Variants in PSEN1 observed in about 807,000 individuals in gnomAD.
PSEN1 encodes the protein presenilin 1.
Under a neutral mutation model 53.5 loss-of-function variants are expected in PSEN1, and 15 were observed. The observed-to-expected ratio is 0.28, with a 90% confidence interval of 0.19 to 0.43. PSEN1 has a LOEUF of 0.43. PSEN1 is among the 20% of genes least tolerant of loss of function. PSEN1 has a pLI of 1.00. For synonymous variants in PSEN1, 208 were observed against 209.8 expected (o/e 0.99, Z 0.08); for missense variants, 387 against 571.2 (o/e 0.68, Z 3.29).
At chr14:73,194,059 A>G (rs1898836391) in intron 7 of PSEN1, among the ~76,000 whole-genome samples, 1 of 152,226 alleles carries the variant, frequency 6.6e-6, no homozygotes, top group East Asian at 1.9e-4. Flanking sequence ...TGTGAGATTC[A>G]CATTCTGTAA....
chr14:73,145,081 C>T (rs1209969150), intron 1 of PSEN1, among the ~76,000 whole-genome samples: 2 of 151,978 alleles, frequency 1.3e-5, no homozygotes, highest in African/African-American at 2.4e-5. Flanking sequence ...TTAGTATGGA[C>T]AGGGCTTCAC....
Position 73,173,929 on chromosome 14 carries a change from C to T in PSEN1, c.480+222C>T, listed in dbSNP as rs373588204. 2.6e-3 allele frequency: 1,662 copies of T among 646,322 alleles called. 49 individuals are homozygous for T. In the South Asian group the frequency reaches 0.029, roughly 11 times the overall value. The allele number at this position is 646,322 out of a possible 1,614,324, so 40.0% of individuals were successfully genotyped here. ...GGCTCAGAGGCTGAGGCAGGAGGAT[C>T]ACTTGGGCCCAGGAGTTCACAAGCA... is the stretch of plus-strand genomic sequence containing the variant. On this transcript the variant is annotated intron_variant, in intron 5 of 11. Transcript: ENST00000324501.
At chr14:73,176,805 T>C (rs1370219595) in intron 5 of PSEN1, among the ~76,000 whole-genome samples, 1 of 152,178 alleles carries the variant, frequency 6.6e-6, no homozygotes, top group Non-Finnish European at 1.5e-5. Flanking sequence ...ACAGCTAGTG[T>C]GGGTCAGAAC....
At chr14:73,174,431 A>G (rs1897986342) in intron 5 of PSEN1, among the ~76,000 whole-genome samples, 1 of 152,180 alleles carries the variant, frequency 6.6e-6, no homozygotes, top group African/African-American at 2.4e-5. Flanking sequence ...ACAGGGTTTC[A>G]CCATGTTGAC....
At chr14:73,215,275 T>A (rs1021283927) in intron 10 of PSEN1, among the ~76,000 whole-genome samples, 1 of 151,152 alleles carries the variant, frequency 6.6e-6, no homozygotes, top group Non-Finnish European at 1.5e-5. Context: ...AAATTTTTTT[T>A]AAATACCGTT....
intron 5 of PSEN1, 44 bp from the exon 6 acceptor site, chr14:73,186,809 G>C (rs774915811): frequency 1.3e-6 from 2 of 1,486,866 alleles, no homozygotes; most frequent in South Asian, 1.1e-5. Context: ...ACTTTTTAAG[G>C]GTTGTGGGAC....
intron 8 of PSEN1, 62 bp from the exon 9 acceptor site, chr14:73,206,324 G>A (rs1027077428): frequency 2.6e-6 from 3 of 1,149,450 alleles, no homozygotes; most frequent in Non-Finnish European, 2.6e-6. Flanking sequence ...ATGATGGCTT[G>A]TTGTTGTCTA....
At chr14:73,154,196 C>T (rs1897298595) in intron 3 of PSEN1, among the ~76,000 whole-genome samples, 1 of 152,066 alleles carries the variant, frequency 6.6e-6, no homozygotes, top group Non-Finnish European at 1.5e-5. Flanking sequence ...ACTATGTATA[C>T]CTGTGTGTAT....
chr14:73,186,210 T>C (rs1018526472), intron 5 of PSEN1, among the ~76,000 whole-genome samples: 22 of 152,062 alleles, frequency 1.4e-4, no homozygotes, highest in African/African-American at 4.8e-4. Context: ...AGAAACTGTG[T>C]CTCTACTAAA....
intron 3 of PSEN1, among the ~76,000 whole-genome samples, chr14:73,149,815 A>G (rs1897167162): frequency 6.6e-6 from 1 of 152,228 alleles, no homozygotes; most frequent in Non-Finnish European, 1.5e-5. Context: ...GTACTATTAC[A>G]GTTCTATATT....
chr14:73,203,326 G>A (rs1411672371), intron 8 of PSEN1, among the ~76,000 whole-genome samples: 1 of 151,734 alleles, frequency 6.6e-6, no homozygotes, highest in Non-Finnish European at 1.5e-5. Flanking sequence ...GACCTCAGGT[G>A]ATCTACCCGC....
Position 73,219,446 on chromosome 14 carries a change from T to A in PSEN1, c.*157T>A. On this transcript the variant is annotated 3_prime_UTR_variant, in exon 12 of 12. Coordinates refer to ENST00000324501, the MANE Select transcript of PSEN1 (RefSeq NM_000021.4). ...CCAAGTCTTCCTGACCACCTTGCAC[T>A]ATTGGACTTTGGAAGGAGGTGCCTA... 1 of 824,584 alleles carries A rather than the reference T, an allele frequency of 1.2e-6. No individual in the cohort carries two copies. Among genetic ancestry groups the A allele is most frequent in the Non-Finnish European group, 2.0e-6 (1 of 497,186 alleles). The allele number at this position is 824,584 out of a possible 1,614,324, so 51.1% of individuals were successfully genotyped here.
Position 73,173,657 on chromosome 14 carries a change from G to T in PSEN1, c.430G>T (p.Val144Phe). 1 of 1,613,816 alleles carries T rather than the reference G, an allele frequency of 6.2e-7. No homozygotes were observed. The highest frequency in any genetic ancestry group is 8.5e-7 in the Non-Finnish European group (1 of 1,179,744). ...TGCTGCCATCATGATCAGTGTCATTGTTGTCATGACTATCCTCCTGGTGGT... is the reference window on the plus strand; with the variant it reads ...TGCTGCCATCATGATCAGTGTCATTTTTGTCATGACTATCCTCCTGGTGGT... ...LNAAIMISVIVVMTILLVVLY... is the reference protein window; with the variant it reads ...LNAAIMISVIFVMTILLVVLY... The change falls in exon 5 of 12, where the codon GTT becomes TTT. Residue 144 changes from valine (V) to phenylalanine (F), a missense_variant. This residue lies in a region of PSEN1 where 169 missense variants were observed against 299.7 expected (regional missense o/e 0.56). Coordinates refer to ENST00000324501, the MANE Select transcript of PSEN1 (RefSeq NM_000021.4).
intron 11 of PSEN1, among the ~76,000 whole-genome samples, chr14:73,218,589 A>G (rs894032962): frequency 3.3e-5 from 5 of 152,132 alleles, no homozygotes; most frequent in African/African-American, 1.2e-4. Flanking sequence ...TATTTTTTAA[A>G]CACTGCAGCC....
rs777640525 is a variant in PSEN1, at chr14:73,186,894, G to A, written c.522G>A (p.Leu174=). The A allele has an allele frequency of 3.1e-6, 5 of 1,613,702 alleles. No homozygotes were observed. The Admixed American group carries it at 8.3e-5, about 27-fold the overall frequency. ...AWLIISSLLL[L]FFFSFIYLGE... ...TTATTATATCATCTCTATTGTTGCTGTTCTTTTTTTCATTCATTTACTTGG... is the reference window on the plus strand; with the variant it reads ...TTATTATATCATCTCTATTGTTGCTATTCTTTTTTTCATTCATTTACTTGG... The change falls in exon 6 of 12, where the codon CTG becomes CTA. Residue 174 remains leucine (L), a synonymous_variant. Coordinates refer to ENST00000324501, the MANE Select transcript of PSEN1 (RefSeq NM_000021.4).
intron 1 of PSEN1, chr14:73,139,266 G>A (rs1566612867): frequency 6.6e-6 from 1 of 151,240 alleles, no homozygotes; most frequent in Non-Finnish European, 1.5e-5. Flanking sequence ...CTGGGCAACA[G>A]AGTGAGACTT....
intron 8 of PSEN1, among the ~76,000 whole-genome samples, chr14:73,198,490 G>C (rs532353470): frequency 1.2e-4 from 18 of 152,298 alleles, no homozygotes; most frequent in African/African-American, 1.7e-4. Context: ...TTGTTGAGCA[G>C]AAGGGTAATG....
At chr14:73,144,047 T>C (rs1258824118) in intron 1 of PSEN1, among the ~76,000 whole-genome samples, 7 of 131,676 alleles carry the variant, frequency 5.3e-5, no homozygotes, top group African/African-American at 1.9e-4. Context: ...TTTTTTTTTT[T>C]TTTTTTTTTT....
intron 6 of PSEN1, among the ~76,000 whole-genome samples, chr14:73,189,153 A>G (rs1473101318): frequency 6.6e-6 from 1 of 152,218 alleles, no homozygotes; most frequent in African/African-American, 2.4e-5. Context: ...AGCAAACACA[A>G]TTAAACAGGA....
Sources: allele counts gnomAD v4.1 joint callset (sites outside exome capture counted in the v4.1 genomes callset), GRCh38; gene constraint gnomAD v4.1.1; regional missense constraint gnomAD v4.1.1; transcripts MANE v1.5; gene names NCBI Gene and HGNC (gene_info 2026-07-23, HGNC 2026-07-21).